TAOK3: variants seen among roughly 807,000 people sequenced by gnomAD.
TAOK3 encodes the protein serine/threonine-protein kinase TAO3.
TAOK3 carries 40 observed loss-of-function variants against 120.4 expected under a neutral mutation model. The observed-to-expected ratio is 0.33, with a 90% CI of 0.26 to 0.43. TAOK3 has a LOEUF of 0.43. TAOK3 is among the 20% of genes least tolerant of loss of function. The pLI, the probability that TAOK3 is intolerant of heterozygous loss-of-function variation, is 1.00. For synonymous variants in TAOK3, 355 were observed against 387.5 expected (o/e 0.92, Z 0.99); for missense variants, 821 against 1,112.1 (o/e 0.74, Z 3.72).
At chr12:118,316,007 G>A (rs1471728761) in intron 1 of TAOK3, among the ~76,000 whole-genome samples, 2 of 152,108 alleles carry the variant, frequency 1.3e-5, no homozygotes, top group African/African-American at 2.4e-5. Flanking sequence ...GGAGTAGGGA[G>A]GTTATTAGGA....
intron 13 of TAOK3, among the ~76,000 whole-genome samples, chr12:118,196,839 TA>T (rs144850575): frequency 0.011 from 1,705 of 152,320 alleles, 42 homozygotes; most frequent in African/African-American, 0.039. Flanking sequence ...ACTGAGCATC[TA>T]TGCTGCGCCA....
At chr12:118,197,408 A>G (rs1042453943) in intron 13 of TAOK3, among the ~76,000 whole-genome samples, 2 of 152,208 alleles carry the variant, frequency 1.3e-5, no homozygotes, top group African/African-American at 4.8e-5. Flanking sequence ...AAACACTCAT[A>G]TTATCACAAG....
chr12:118,301,494 T>C (rs2042877598), intron 1 of TAOK3, among the ~76,000 whole-genome samples: 2 of 152,160 alleles, frequency 1.3e-5, no homozygotes, highest in Non-Finnish European at 2.9e-5. Context: ...CCAGCAAAGA[T>C]ACTTTCCTTT....
chr12:118,209,863 G>A (rs762037533), intron 11 of TAOK3, among the ~76,000 whole-genome samples: 4 of 151,954 alleles, frequency 2.6e-5, no homozygotes, highest in African/African-American at 7.3e-5. Flanking sequence ...AAAGGCGCAT[G>A]CCACTGCACC....
intron 1 of TAOK3, among the ~76,000 whole-genome samples, chr12:118,332,163 GAC>G (rs1286359000): frequency 6.6e-6 from 1 of 152,116 alleles, no homozygotes; most frequent in East Asian, 1.9e-4. Flanking sequence ...CTATGAATAG[GAC>G]AGAAAATTAG....
intron 19 of TAOK3, chr12:118,152,611 ATTC>A (rs2034530643): frequency 7.5e-6 from 4 of 535,674 alleles, no homozygotes; most frequent in African/African-American, 5.6e-5. Context: ...TACCAAACAC[ATTC>A]TTTTCAGTAT....
chr12:118,228,857 C>T (rs1265118843), intron 9 of TAOK3, among the ~76,000 whole-genome samples: 1 of 152,134 alleles, frequency 6.6e-6, no homozygotes, highest in African/African-American at 2.4e-5. Context: ...ACTAATGAGG[C>T]TTAGTGTCTT....
chr12:118,259,404 G>T (rs1206956900), intron 2 of TAOK3, among the ~76,000 whole-genome samples: 1 of 152,064 alleles, frequency 6.6e-6, no homozygotes, highest in African/African-American at 2.4e-5. Context: ...AGCTGTGTAT[G>T]GTGGTGTACG....
intron 13 of TAOK3, chr12:118,198,397 T>C (rs888077645): frequency 8.1e-5 from 9 of 111,418 alleles, no homozygotes; most frequent in Non-Finnish European, 1.9e-4. Flanking sequence ...TTCTTTTTTT[T>C]TTTTTTTTTT....
At position 118,237,903 on chromosome 12, in the gene TAOK3, G is replaced by A. The variant is rs528934683; in HGVS notation, c.437+170C>T. ...TGTGGATACGTAGGAGAGAATAAGA[G>A]ATAGAAGCTAAATTCTGGCAACTTT... On this transcript the variant is annotated intron_variant, in intron 7 of 20. Transcript: ENST00000392533. Among the ~76,000 whole-genome samples the A allele has an allele frequency of 6.0e-4, 92 of 152,282 alleles. 1 individual carries two copies. Among genetic ancestry groups the A allele is most frequent in the African/African-American group, 2.1e-3 (88 of 41,580 alleles).
At chr12:118,278,965 C>T (rs1399199624) in intron 1 of TAOK3, among the ~76,000 whole-genome samples, 1 of 151,788 alleles carries the variant, frequency 6.6e-6, no homozygotes, top group African/African-American at 2.4e-5. Flanking sequence ...CACCACCACA[C>T]TCAGCTATTT....
Position 118,150,668 on chromosome 12 carries a change from T to G in TAOK3, c.*329A>C. On this transcript the variant is annotated 3_prime_UTR_variant, in exon 21 of 21. Coordinates refer to ENST00000392533, the MANE Select transcript of TAOK3 (RefSeq NM_016281.4). ...TTGCTTAAAGCAATATACATCCACT[T>G]TTTTTGTTGTTGGTTTATTGGTTTT... 1 of 203,618 alleles carries G rather than the reference T, an allele frequency of 4.9e-6. No individual in the cohort carries two copies. Among genetic ancestry groups the G allele is most frequent in the Non-Finnish European group, 9.9e-6 (1 of 100,656 alleles). The allele number at this position is 203,618 out of a possible 1,614,324, so 12.6% of individuals were successfully genotyped here. A position where few individuals can be genotyped will look rare whatever the true frequency, so the allele number is the denominator to read the frequency against.
chr12:118,152,514 A>G, intron 19 of TAOK3, 105 bp from the exon 20 acceptor site: 4 of 1,220,106 alleles, frequency 3.3e-6, no homozygotes, highest in Non-Finnish European at 3.4e-6. Flanking sequence ...TTGGATTGAA[A>G]TTGGTTGCCC....
intron 9 of TAOK3, among the ~76,000 whole-genome samples, chr12:118,222,643 G>A (rs1330092385): frequency 2.6e-5 from 4 of 152,152 alleles, no homozygotes; most frequent in Non-Finnish European, 5.9e-5. Flanking sequence ...TGGAGCTGGA[G>A]GCAATTATTC....
intron 9 of TAOK3, among the ~76,000 whole-genome samples, chr12:118,232,735 G>C (rs999028351): frequency 6.6e-6 from 1 of 151,950 alleles, no homozygotes; most frequent in African/African-American, 2.4e-5. Flanking sequence ...GCAAAACCCT[G>C]TCTCTACTAA....
chr12:118,306,608 G>A lies in TAOK3; in HGVS notation c.-193-39849C>T, dbSNP rs543587324. On this transcript the variant is annotated intron_variant, in intron 1 of 20. Transcript: ENST00000392533. Reference sequence around the variant, plus strand: ...ATACATGTTTCCCTCAAGTTCTTGAGTCTAAAATTAACATAGATCTGTCCT... The same window carrying A: ...ATACATGTTTCCCTCAAGTTCTTGAATCTAAAATTAACATAGATCTGTCCT... Among the ~76,000 whole-genome samples the A allele has an allele frequency of 2.6e-5, 4 of 152,276 alleles. No homozygotes were observed. The South Asian group carries it at 8.3e-4, about 32-fold the overall frequency.
chr12:118,213,372 C>CCTATAACAAAGTA (rs1384805930), intron 10 of TAOK3, among the ~76,000 whole-genome samples: 1 of 152,124 alleles, frequency 6.6e-6, no homozygotes, highest in African/African-American at 2.4e-5. Context: ...TCCTCTACCA[C>CCTATAACAAAGTA]CCACAATCTA....
At chr12:118,367,089 C>T (rs2045760240) in intron 1 of TAOK3, among the ~76,000 whole-genome samples, 1 of 152,094 alleles carries the variant, frequency 6.6e-6, no homozygotes, top group Non-Finnish European at 1.5e-5. Context: ...TTATTCCAGG[C>T]CATCTTCCTT....
chr12:118,154,748 A>G (rs1043747871), intron 19 of TAOK3, among the ~76,000 whole-genome samples: 1 of 152,096 alleles, frequency 6.6e-6, no homozygotes, highest in Non-Finnish European at 1.5e-5. Context: ...GCTCCATTAA[A>G]AAGTTTTATA....
Sources: allele counts gnomAD v4.1 joint callset (sites outside exome capture counted in the v4.1 genomes callset), GRCh38; gene constraint gnomAD v4.1.1; transcripts MANE v1.5; gene names NCBI Gene and HGNC (gene_info 2026-07-23, HGNC 2026-07-21).